STXBP5L: variants seen among roughly 807,000 people sequenced by gnomAD.
The protein encoded by STXBP5L is syntaxin binding protein 5L.
A neutral mutation model predicts 144.5 loss-of-function variants in STXBP5L; 65 were observed. The ratio of observed to expected loss-of-function variants is 0.45; its 90% confidence interval spans 0.37 to 0.55. The LOEUF (loss-of-function observed/expected upper bound fraction) is 0.55, where lower values mean the gene tolerates loss of function less well. STXBP5L is among the 20% of genes least tolerant of loss of function. The pLI is 0.00. For missense variants in STXBP5L, 1,298 were observed against 1,405.5 expected, an observed-to-expected ratio of 0.92 and a Z score of 1.22; for synonymous variants, 505 against 469.6, an observed-to-expected ratio of 1.08 and a Z score of -0.97.
chr3:121,255,147 G>T, intron 16 of STXBP5L, 35 bp downstream of exon 16: 1 of 1,471,692 alleles, frequency 6.8e-7, no homozygotes, highest in Non-Finnish European at 9.1e-7. Flanking sequence ...CACTTTTACA[G>T]TTATTAAAAG....
At chr3:120,983,277 A>T (rs1206215280) in intron 3 of STXBP5L, among the ~76,000 whole-genome samples, 2 of 151,976 alleles carry the variant, frequency 1.3e-5, no homozygotes, top group African/African-American at 4.8e-5. Context: ...GGGTGGCAGC[A>T]CTGTGGGTCT....
intron 6 of STXBP5L, among the ~76,000 whole-genome samples, chr3:121,117,790 T>C (rs1156894081): frequency 6.6e-6 from 1 of 151,732 alleles, no homozygotes; most frequent in Non-Finnish European, 1.5e-5. Context: ...CCCAAGAGTA[T>C]GAATAGTTGG....
intron 22 of STXBP5L, among the ~76,000 whole-genome samples, chr3:121,391,867 C>A (rs2046595572): frequency 6.6e-6 from 1 of 152,196 alleles, no homozygotes; most frequent in Non-Finnish European, 1.5e-5. Flanking sequence ...GTTCAGGGAC[C>A]CACTTGAGGA....
chr3:121,424,609 T>C lies in STXBP5L; in HGVS notation c.*5512T>C, dbSNP rs1343208842. 1 of 152,234 alleles carries C rather than the reference T, an allele frequency of 6.6e-6. No individual in the cohort carries two copies. 9.4% of individuals were successfully genotyped at this position (152,234 alleles called of 1,614,324 possible). A position where few individuals can be genotyped will look rare whatever the true frequency, so the allele number is the denominator to read the frequency against. On this transcript the variant is annotated 3_prime_UTR_variant, in exon 27 of 27. Coordinates refer to ENST00000471454, the MANE Select transcript of STXBP5L (RefSeq NM_001308330.2). Reference sequence around the variant, plus strand: ...AGGAAATAAGAAACAGATGACATCATTGATGTATCTTTCTTTCATCTTCAG... The same window carrying C: ...AGGAAATAAGAAACAGATGACATCACTGATGTATCTTTCTTTCATCTTCAG...
chr3:120,995,192 G>T (rs1040788894), intron 3 of STXBP5L, among the ~76,000 whole-genome samples: 1 of 152,076 alleles, frequency 6.6e-6, no homozygotes, highest in Non-Finnish European at 1.5e-5. Context: ...CTGTCATCCA[G>T]GCTGGAATGC....
intron 20 of STXBP5L, among the ~76,000 whole-genome samples, chr3:121,354,699 T>C (rs139172919): frequency 1.3e-5 from 2 of 152,090 alleles, no homozygotes; most frequent in African/African-American, 4.8e-5. Context: ...ACATTTAAGG[T>C]TAATATTGTT....
intron 2 of STXBP5L, among the ~76,000 whole-genome samples, chr3:120,911,824 A>G (rs1047031126): frequency 6.6e-6 from 1 of 152,054 alleles, no homozygotes; most frequent in Non-Finnish European, 1.5e-5. Context: ...TGGATGTATT[A>G]TAATTACCTG....
At chr3:120,956,567 T>C (rs919504732) in intron 3 of STXBP5L, among the ~76,000 whole-genome samples, 4 of 151,974 alleles carry the variant, frequency 2.6e-5, no homozygotes, top group African/African-American at 9.7e-5. Flanking sequence ...TTTTGATATC[T>C]GTTCGTTAAT....
At chr3:121,057,290 C>T (rs1012682857) in intron 5 of STXBP5L, among the ~76,000 whole-genome samples, 7 of 151,540 alleles carry the variant, frequency 4.6e-5, no homozygotes, top group Admixed American at 4.6e-4. Flanking sequence ...TGCTTTTTTC[C>T]CTCTATAGTA....
chr3:121,092,393 C>A (rs945011555), intron 5 of STXBP5L, among the ~76,000 whole-genome samples: 1 of 152,092 alleles, frequency 6.6e-6, no homozygotes, highest in Non-Finnish European at 1.5e-5. Flanking sequence ...TTGATTCTTC[C>A]TACCCATGAG....
chr3:121,137,972 A>T (rs143196648), intron 7 of STXBP5L, among the ~76,000 whole-genome samples: 1 of 152,258 alleles, frequency 6.6e-6, no homozygotes, highest in African/African-American at 2.4e-5. Context: ...TCCAAATTTG[A>T]TAGGAGGAAG....
At chr3:120,982,384 G>T (rs1450198897) in intron 3 of STXBP5L, among the ~76,000 whole-genome samples, 1 of 152,194 alleles carries the variant, frequency 6.6e-6, no homozygotes, top group Non-Finnish European at 1.5e-5. Context: ...ACTGACATGA[G>T]TGGCAGGGAG....
Position 121,239,065 on chromosome 3 carries a change from C to T in STXBP5L, c.1279C>T (p.Leu427=). 6.2e-7 allele frequency: 1 copy of T among 1,609,358 alleles called. No individual in the cohort carries two copies. The highest frequency in any genetic ancestry group is 8.5e-7 in the Non-Finnish European group (1 of 1,177,828). Residue 427 remains leucine, a synonymous_variant, in exon 13 of 27, where the codon CTA becomes TTA. Transcript: ENST00000471454. The part of the protein sequence containing the change: ...YFADCPPDLI[L]VLYSIGVKHK... Reference sequence around the variant, plus strand: ...TGCAGATTGTCCTCCGGATTTGATTCTAGTACTGTATTCTATAGGAGTCAA... The same window carrying T: ...TGCAGATTGTCCTCCGGATTTGATTTTAGTACTGTATTCTATAGGAGTCAA...
At chr3:120,918,216 ACCAGGATAAT>A (rs1709197789) in intron 2 of STXBP5L, among the ~76,000 whole-genome samples, 1 of 152,148 alleles carries the variant, frequency 6.6e-6, no homozygotes, top group Non-Finnish European at 1.5e-5. Flanking sequence ...CATTGGGCCC[ACCAGGATAAT>A]CCAGGTTAAT....
intron 21 of STXBP5L, among the ~76,000 whole-genome samples, chr3:121,379,875 C>T (rs1437920453): frequency 6.6e-6 from 1 of 152,124 alleles, no homozygotes; most frequent in Non-Finnish European, 1.5e-5. Context: ...CATTCTGTTG[C>T]TGAGGTTGGA....
chr3:121,091,243 G>T (rs1181855541), intron 5 of STXBP5L, among the ~76,000 whole-genome samples: 3 of 147,042 alleles, frequency 2.0e-5, no homozygotes, highest in African/African-American at 5.2e-5. Context: ...AAGCATACAT[G>T]TGCATGTGTC....
At chr3:121,111,668 G>C (rs915637339) in intron 5 of STXBP5L, among the ~76,000 whole-genome samples, 3 of 152,178 alleles carry the variant, frequency 2.0e-5, no homozygotes, top group Non-Finnish European at 2.9e-5. Context: ...AAGGTGTCTG[G>C]TGACCCTTGT....
At chr3:121,152,800 T>G (rs2045976818) in intron 8 of STXBP5L, among the ~76,000 whole-genome samples, 1 of 152,110 alleles carries the variant, frequency 6.6e-6, no homozygotes, top group South Asian at 2.1e-4. Context: ...ATACTTTGCA[T>G]TTGTTAATAG....
chr3:121,166,903 TAAAG>T (rs2046521242), intron 9 of STXBP5L, among the ~76,000 whole-genome samples: 1 of 152,088 alleles, frequency 6.6e-6, no homozygotes, highest in Non-Finnish European at 1.5e-5. Flanking sequence ...ATTGTGGAAA[TAAAG>T]AACTAGAGAA....
Sources: gnomAD v4.1 joint callset for allele counts (sites outside exome capture counted in the v4.1 genomes callset) on GRCh38, gnomAD v4.1.1 for gene constraint, MANE v1.5 for transcripts, NCBI Gene and HGNC (gene_info 2026-07-23, HGNC 2026-07-21) for gene names.